Variants in MYH14 observed in about 807,000 individuals in gnomAD.
The protein encoded by MYH14 is myosin heavy chain 14.
A neutral mutation model predicts 255.5 loss-of-function variants in MYH14; 123 were observed. The observed-to-expected ratio is 0.48, with a 90% CI of 0.42 to 0.56. The LOEUF is 0.56. Among genes scored for constraint, MYH14 ranks in the 20% least tolerant of loss-of-function variants. MYH14 has a pLI of 0.00. For synonymous variants in MYH14, 1,095 were observed against 1,161.2 expected (o/e 0.94, Z 1.16); for missense variants, 2,423 against 2,802.3 (o/e 0.86, Z 3.06).
In MYH14 at chr19:50,223,112, T is replaced by C. The variant is rs756059081; in HGVS notation, c.590+2T>C. 1.2e-6 allele frequency: 2 copies of C among 1,613,540 alleles called. No individual in the cohort carries two copies. Among genetic ancestry groups the C allele is most frequent in the Admixed American group, 1.7e-5 (1 of 60,014 alleles). On this transcript the variant is annotated splice_donor_variant, in intron 4 of 42. Transcript: ENST00000642316. LOFTEE classifies it high-confidence loss of function. The stretch of plus-strand genomic sequence containing the variant: ...TGAGGACCAGTCCATTCTCTGCACG[T>C]GAGTAATCTGGAAGGACTTCCTGGA...
Position 50,257,493 on chromosome 19 carries a change from G to C in MYH14, c.2232+7G>C. 6.3e-7 allele frequency: 1 copy of C among 1,592,982 alleles called. No homozygotes were observed. The highest frequency in any genetic ancestry group is 1.1e-5 in the South Asian group (1 of 87,674). ...CCCCAACCACGAGAAGAGGGTGAGTGACTCAGCCTGGGGAGGAAGGGGTGG... is the reference window on the plus strand; with the variant it reads ...CCCCAACCACGAGAAGAGGGTGAGTCACTCAGCCTGGGGAGGAAGGGGTGG... On this transcript the variant is annotated splice_region_variant and intron_variant, in intron 18 of 42. Transcript: ENST00000642316.
chr19:50,290,821 C>T (rs1020147649), intron 35 of MYH14, 66 bp from the exon 36 acceptor site: 3 of 1,508,360 alleles, frequency 2.0e-6, no homozygotes, highest in African/African-American at 2.8e-5. Context: ...ACATCCATGT[C>T]CCTAGCACAC....
chr19:50,294,613 CA>C lies in MYH14; in HGVS notation c.5469+928del, dbSNP rs532927922. ...GGTGCAGTGGTGCATGCCTGTAGTCCAACTACCTGGGAGGCTGAGGAGGGAG... is the reference window on the plus strand; with the variant it reads ...GGTGCAGTGGTGCATGCCTGTAGTCCACTACCTGGGAGGCTGAGGAGGGAG... On this transcript the variant is annotated intron_variant, in intron 39 of 42. Transcript: ENST00000642316. Among the ~76,000 whole-genome samples, 238 of 151,416 alleles carry C rather than the reference CA, an allele frequency of 1.6e-3. 2 individuals carry two copies. Among genetic ancestry groups the C allele is most frequent in the Middle Eastern group, 6.8e-3 (2 of 294 alleles).
rs372595069 is a variant in MYH14 at position 50,263,307 on chromosome 19, C to A, written c.2586-5C>A. 4 of 1,542,784 alleles carry A rather than the reference C, an allele frequency of 2.6e-6. No individual in the cohort carries two copies. The highest frequency in any genetic ancestry group is 3.5e-6 in the Non-Finnish European group (4 of 1,141,604). Reference sequence around the variant, plus strand: ...ACTCTGCCCCTCACCCATTTCCCCACCCAGGGCCTTCCAGAAGCGCCAGCA... The same window carrying A: ...ACTCTGCCCCTCACCCATTTCCCCAACCAGGGCCTTCCAGAAGCGCCAGCA... On this transcript the variant is annotated splice_polypyrimidine_tract_variant and splice_region_variant and intron_variant, in intron 21 of 42. Transcript: ENST00000642316.
At position 50,221,506 on chromosome 19, in the gene MYH14, C is replaced by T. The variant is rs2032818221; in HGVS notation, c.563-1577C>T. ...ATTTATTTATTTAGAGACGGAGCCT[C>T]ACTCTTGTCACCCAGGCTGGAGTGC... On this transcript the variant is annotated intron_variant, in intron 3 of 42. Coordinates refer to ENST00000642316, the MANE Select transcript of MYH14 (RefSeq NM_001145809.2). The surrounding 1 kb of genome is among the most constrained non-coding windows in gnomAD (Gnocchi z 5.3). 6.6e-6 allele frequency among the ~76,000 whole-genome samples: 1 copy of T among 152,104 alleles called. No individual in the cohort carries two copies.
intron 10 of MYH14, among the ~76,000 whole-genome samples, chr19:50,236,665 G>C (rs1049873784): frequency 2.6e-5 from 4 of 151,788 alleles, no homozygotes; most frequent in African/African-American, 9.7e-5. Flanking sequence ...CCAAGATTAA[G>C]CCACTGCACT....
intron 10 of MYH14, 71 bp downstream of exon 10, chr19:50,232,141 C>G: frequency 6.3e-7 from 1 of 1,575,546 alleles, no homozygotes; most frequent in Non-Finnish European, 8.6e-7. Flanking sequence ...GCCATTCATG[C>G]CCCGATCTCT....
intron 2 of MYH14, among the ~76,000 whole-genome samples, chr19:50,215,006 G>A (rs914115832): frequency 6.6e-6 from 1 of 150,538 alleles, no homozygotes; most frequent in Non-Finnish European, 1.5e-5. Context: ...AAAGTCACCA[G>A]GCTGAGGGGA....
intron 19 of MYH14, among the ~76,000 whole-genome samples, chr19:50,260,215 T>G (rs1457663612): frequency 1.3e-5 from 2 of 152,170 alleles, no homozygotes; most frequent in Non-Finnish European, 2.9e-5. Flanking sequence ...TCACTTCAGG[T>G]CAGGAGTTCA....
intron 37 of MYH14, among the ~76,000 whole-genome samples, chr19:50,292,660 G>A: frequency 6.6e-6 from 1 of 152,128 alleles, no homozygotes; most frequent in East Asian, 1.9e-4. Context: ...TAAGAGCAGG[G>A]ATTTTGTCTT....
rs1390706311 is a variant in MYH14, at chr19:50,268,214, G to T, written c.2880G>T (p.Leu960=). ...AGCAATTGCGAGCAGAGGCAGAACT[G>T]TGTGCAGAGGCCGAGGAGACGCGGG... The part of the protein sequence containing the change: ...LAEQLRAEAE[L]CAEAEETRGR... The change falls in exon 24 of 43, where the codon CTG becomes CTT. Residue 960 remains leucine, a synonymous_variant. Transcript: ENST00000642316. The T allele has an allele frequency of 2.6e-6, 4 of 1,557,732 alleles. No individual in the cohort carries two copies. Among genetic ancestry groups the T allele is most frequent in the Non-Finnish European group, 3.5e-6 (4 of 1,151,854 alleles).
chr19:50,255,291 T>C lies in MYH14; in HGVS notation c.2017T>C (p.Cys673Arg). The C allele has an allele frequency of 6.4e-7, 1 of 1,551,208 alleles. No individual in the cohort carries two copies. Residue 673 changes from cysteine to arginine, a missense_variant, in exon 17 of 43, where the codon TGC becomes CGC. This residue lies in a region of MYH14 where 672 missense variants were observed against 881.8 expected (regional missense o/e 0.76). Transcript: ENST00000642316. ...PPSPPGSAERCSSAISPPGVE... is the reference protein window; with the variant it reads ...PPSPPGSAERRSSAISPPGVE... ...GTCGCCCCCAGGATCTGCAGAGAGG[T>C]GCAGCTCTGCTATTTCTCCGCCAGG...
chr19:50,224,039 T>TTCCCCCCCCCCCCCC, intron 5 of MYH14, 115 bp from the exon 6 acceptor site: 1 of 415,106 alleles, frequency 2.4e-6, no homozygotes, highest in Non-Finnish European at 4.3e-6. Context: ...GTTTCCCCAG[T>TTCCCCCCCCCCCCCC]CCCCCTTCCC....
In MYH14 at chr19:50,230,860, G is replaced by A. The variant is rs892992153; in HGVS notation, c.973+237G>A. Reference sequence around the variant, plus strand: ...GGTCTGGCTCGCGCCCGCTGTCACGGCCACGCAGCCCCCGCCGCCTGGTGG... The same window carrying A: ...GGTCTGGCTCGCGCCCGCTGTCACGACCACGCAGCCCCCGCCGCCTGGTGG... On this transcript the variant is annotated intron_variant, in intron 9 of 42. Transcript: ENST00000642316. This position sits in a 1 kb window ranked among gnomAD's most constrained non-coding sequence, Gnocchi z 4.7. 20 of 509,574 alleles carry A rather than the reference G, an allele frequency of 3.9e-5. No homozygotes were observed. The highest frequency in any genetic ancestry group is 1.0e-3 in the Middle Eastern group (2 of 1,908). 31.6% of individuals were successfully genotyped at this position (509,574 alleles called of 1,614,324 possible). A position where few individuals can be genotyped will look rare whatever the true frequency, so the allele number is the denominator to read the frequency against.
chr19:50,274,419 C>T lies in MYH14; in HGVS notation c.3468-1572C>T, dbSNP rs543342050. 1.2e-4 allele frequency among the ~76,000 whole-genome samples: 19 copies of T among 152,252 alleles called. No homozygotes were observed. In the South Asian group the frequency reaches 1.5e-3, roughly 12 times the overall value. On this transcript the variant is annotated intron_variant, in intron 27 of 42. Coordinates refer to ENST00000642316, the MANE Select transcript of MYH14 (RefSeq NM_001145809.2). Reference sequence around the variant, plus strand: ...AAGCAATTCTCCTGCCTCAGCCTCCCGAGTGGCTGGGACTACAGGTGCCCA... The same window carrying T: ...AAGCAATTCTCCTGCCTCAGCCTCCTGAGTGGCTGGGACTACAGGTGCCCA...
At chr19:50,288,468 T>C (rs1377855135) in intron 34 of MYH14, among the ~76,000 whole-genome samples, 3 of 152,192 alleles carry the variant, frequency 2.0e-5, no homozygotes, top group African/African-American at 4.8e-5. Context: ...GTCAGGTTAT[T>C]TGTAGTGACT....
At chr19:50,238,990 G>A (rs1000598732) in intron 10 of MYH14, among the ~76,000 whole-genome samples, 9 of 152,064 alleles carry the variant, frequency 5.9e-5, no homozygotes, top group Non-Finnish European at 8.8e-5. Context: ...CCTTAGGCCA[G>A]TTGTCCCCCA....
chr19:50,234,378 T>C (rs1363048738), intron 10 of MYH14, among the ~76,000 whole-genome samples: 1 of 152,192 alleles, frequency 6.6e-6, no homozygotes, highest in Non-Finnish European at 1.5e-5. Context: ...TAGGTGTTTC[T>C]GGGCTGAGCC....
intron 35 of MYH14, among the ~76,000 whole-genome samples, chr19:50,290,152 T>C (rs917614784): frequency 1.3e-5 from 2 of 151,400 alleles, no homozygotes; most frequent in Admixed American, 6.6e-5. Context: ...ACCCATCTCC[T>C]CTCCCCAACC....
Sources: gnomAD v4.1 joint callset for allele counts (sites outside exome capture counted in the v4.1 genomes callset) on GRCh38, gnomAD v4.1.1 for gene constraint, gnomAD v4.1.1 regional missense constraint, Gnocchi (gnomAD v3.1) non-coding constraint, MANE v1.5 for transcripts, NCBI Gene and HGNC (gene_info 2026-07-23, HGNC 2026-07-21) for gene names.